Variants in PRRC2B observed in about 807,000 individuals in gnomAD.
PRRC2B encodes proline rich coiled-coil 2B.
In PRRC2B, 68 loss-of-function variants were observed where a neutral mutation model predicts 242.3. That is an observed-to-expected ratio of 0.28 (90% CI 0.23 to 0.34). The LOEUF is 0.34. Ranked by LOEUF, PRRC2B falls within the 10% of genes least tolerant of loss-of-function variation. PRRC2B has a pLI of 1.00. For synonymous variants in PRRC2B, 1,228 were observed against 1,173.6 expected, an observed-to-expected ratio of 1.05 and a Z score of -0.95; for missense variants, 2,835 against 2,954.8, an observed-to-expected ratio of 0.96 and a Z score of 0.94.
chr9:131,448,926 C>T (rs1225218724), intron 9 of PRRC2B, among the ~76,000 whole-genome samples: 1 of 152,212 alleles, frequency 6.6e-6, no homozygotes, highest in Non-Finnish European at 1.5e-5. Context: ...TCCCTCACCA[C>T]CGCAGGCTTC....
rs1943966808 is a variant in PRRC2B at position 131,484,711 on chromosome 9, T to C, written c.5486T>C (p.Ile1829Thr). The C allele has an allele frequency of 6.2e-7, 1 of 1,612,586 alleles. No homozygotes were observed. Among genetic ancestry groups the C allele is most frequent in the Non-Finnish European group, 8.5e-7 (1 of 1,179,354 alleles). Residue 1829 changes from isoleucine (I) to threonine (T), a missense_variant, in exon 24 of 32, where the codon ATC becomes ACC. Physicochemically the swap from Ile to Thr is moderately conservative, Grantham distance 89. Transcript: ENST00000683519. ...SNAGLTQSIP[I>T]LRRDHHIQRA... Reference sequence around the variant, plus strand: ...GCAGGGTTAACACAGAGTATCCCCATCCTGCGGCGGGACCATCACATCCAG... The same window carrying C: ...GCAGGGTTAACACAGAGTATCCCCACCCTGCGGCGGGACCATCACATCCAG...
chr9:131,417,319 G>A (rs1007855506), intron 1 of PRRC2B, among the ~76,000 whole-genome samples: 5 of 151,920 alleles, frequency 3.3e-5, no homozygotes, highest in Admixed American at 2.0e-4. Flanking sequence ...TTTTTGGGGG[G>A]TCTCCTTTCC....
intron 1 of PRRC2B, among the ~76,000 whole-genome samples, chr9:131,420,482 T>TTTCC (rs1346475273): frequency 2.0e-4 from 3 of 15,238 alleles, no homozygotes; most frequent in Non-Finnish European, 2.0e-4. Context: ...TCTTTCTTTC[T>TTTCC]TTCTTTCTTT....
At chr9:131,490,580 G>A (rs1299401907) in intron 28 of PRRC2B, 4 of 519,088 alleles carry the variant, frequency 7.7e-6, no homozygotes, top group South Asian at 5.6e-5. Context: ...GACCAAAAGT[G>A]GCCCAGCCCC....
intron 11 of PRRC2B, among the ~76,000 whole-genome samples, chr9:131,460,595 A>G (rs983263932): frequency 3.0e-4 from 46 of 152,122 alleles, no homozygotes; most frequent in African/African-American, 1.0e-3. Context: ...TTTGTAGTTG[A>G]TAAGAATTTT....
intron 1 of PRRC2B, among the ~76,000 whole-genome samples, chr9:131,429,856 G>C (rs111545130): frequency 3.3e-5 from 5 of 151,978 alleles, no homozygotes; most frequent in African/African-American, 9.7e-5. Context: ...GTGGGGGTTG[G>C]GGGGGTACTC....
rs559388453 is a variant in PRRC2B, at chr9:131,471,883, C to T, written c.2107+900C>T. ...CATGCTAATTGTGTTGTGCAAATGT[C>T]TTCATCATTGCAAGTTTTTATCCCT... On this transcript the variant is annotated intron_variant, in intron 14 of 31. Transcript: ENST00000683519. Among the ~76,000 whole-genome samples the T allele has an allele frequency of 8.3e-4, 127 of 152,316 alleles. 1 individual carries two copies. Among genetic ancestry groups the T allele is most frequent in the Middle Eastern group, 6.8e-3 (2 of 294 alleles).
chr9:131,384,488 T>C (rs1355255363), intron 1 of PRRC2B, among the ~76,000 whole-genome samples: 1 of 152,120 alleles, frequency 6.6e-6, no homozygotes, highest in Non-Finnish European at 1.5e-5. Context: ...TTCACCATCA[T>C]GGCCAAGCTG....
At position 131,415,437 on chromosome 9, in the gene PRRC2B, G is replaced by T. The variant is rs146306956; in HGVS notation, c.-51-14657G>T. Among the ~76,000 whole-genome samples, 8 of 152,346 alleles carry T rather than the reference G, an allele frequency of 5.3e-5. No homozygotes were observed. The East Asian group carries it at 1.5e-3, about 29-fold the overall frequency. On this transcript the variant is annotated intron_variant, in intron 1 of 31. Coordinates refer to ENST00000683519, the MANE Select transcript of PRRC2B (RefSeq NM_013318.4). ...GCCAGGCCCCCGCTCCCCTGGGGCT[G>T]GGGCTGGGTCAGCCTCCCTCAGGCT...
chr9:131,423,554 G>T (rs1285032733), intron 1 of PRRC2B, among the ~76,000 whole-genome samples: 1 of 152,180 alleles, frequency 6.6e-6, no homozygotes, highest in Non-Finnish European at 1.5e-5. Context: ...CCTGCAACGG[G>T]AGGAAATCCG....
At chr9:131,374,816 C>G (rs1324321088) in intron 1 of PRRC2B, among the ~76,000 whole-genome samples, 1 of 152,106 alleles carries the variant, frequency 6.6e-6, no homozygotes, top group Non-Finnish European at 1.5e-5. Flanking sequence ...CGTGAGCCAC[C>G]ATGCCCAGCC....
intron 1 of PRRC2B, among the ~76,000 whole-genome samples, chr9:131,388,488 C>T (rs762304637): frequency 6.7e-6 from 1 of 149,544 alleles, no homozygotes; most frequent in Non-Finnish European, 1.5e-5. Context: ...GATCCGCGCA[C>T]CTCGGACTCC....
chr9:131,378,570 C>CA (rs1315026485), intron 1 of PRRC2B, among the ~76,000 whole-genome samples: 1 of 152,190 alleles, frequency 6.6e-6, no homozygotes, highest in Non-Finnish European at 1.5e-5. Flanking sequence ...CCCAAGCGCT[C>CA]AGCCTCCATC....
intron 1 of PRRC2B, among the ~76,000 whole-genome samples, chr9:131,420,505 T>TCTTTC (rs1472671577): frequency 5.9e-4 from 22 of 37,042 alleles, no homozygotes; most frequent in East Asian, 3.1e-3. Context: ...TTTTTTTTTT[T>TCTTTC]TTTTTGAGAT....
chr9:131,409,631 T>TGG (rs1162065154), intron 1 of PRRC2B, among the ~76,000 whole-genome samples: 1 of 152,230 alleles, frequency 6.6e-6, no homozygotes, highest in African/African-American at 2.4e-5. Flanking sequence ...GCTGTGTTGG[T>TGG]GGCTCTTTTC....
intron 1 of PRRC2B, among the ~76,000 whole-genome samples, chr9:131,395,840 C>A (rs538708791): frequency 6.6e-6 from 1 of 152,252 alleles, no homozygotes; most frequent in South Asian, 2.1e-4. Context: ...TTAGTAGACC[C>A]GGAGTGTGTG....
intron 10 of PRRC2B, among the ~76,000 whole-genome samples, chr9:131,457,429 G>A (rs1556954): frequency 0.022 from 3,387 of 152,298 alleles, 50 homozygotes; most frequent in Middle Eastern, 0.048. Context: ...TTTTGCCCCT[G>A]ACTTTGACCA....
At chr9:131,458,619 C>T (rs919462181) in intron 10 of PRRC2B, among the ~76,000 whole-genome samples, 3 of 152,030 alleles carry the variant, frequency 2.0e-5, no homozygotes, top group African/African-American at 7.3e-5. Flanking sequence ...CTTCTCCCAC[C>T]TCAGCCTCTA....
intron 11 of PRRC2B, among the ~76,000 whole-genome samples, chr9:131,462,649 C>T (rs1051666080): frequency 1.2e-4 from 18 of 151,570 alleles, no homozygotes; most frequent in African/African-American, 4.1e-4. Context: ...ACCAGCCTGA[C>T]CAACATGGTG....
Sources: allele counts gnomAD v4.1 joint callset (sites outside exome capture counted in the v4.1 genomes callset), GRCh38; gene constraint gnomAD v4.1.1; transcripts MANE v1.5; gene names NCBI Gene and HGNC (gene_info 2026-07-23, HGNC 2026-07-21).